MBNL1: variants seen among roughly 807,000 people sequenced by gnomAD.
MBNL1 encodes muscleblind-like protein 1.
A neutral mutation model predicts 42.2 loss-of-function variants in MBNL1; 8 were observed. The observed-to-expected ratio is 0.19, with a 90% confidence interval of 0.11 to 0.34. The LOEUF is 0.34. MBNL1 is among the 10% of genes least tolerant of loss of function. MBNL1 has a pLI of 1.00. For missense variants in MBNL1, 309 were observed against 495.3 expected, an observed-to-expected ratio of 0.62 and a Z score of 3.57; for synonymous variants, 169 against 173.9, an observed-to-expected ratio of 0.97 and a Z score of 0.22.
intron 2 of MBNL1, among the ~76,000 whole-genome samples, chr3:152,405,070 T>C (rs908006146): frequency 6.6e-6 from 1 of 152,144 alleles, no homozygotes. Context: ...GGATTAGTCT[T>C]CTCCAAATTC....
At chr3:152,434,907 C>T (rs183590696) in intron 4 of MBNL1, among the ~76,000 whole-genome samples, 5 of 151,922 alleles carry the variant, frequency 3.3e-5, no homozygotes, top group African/African-American at 7.2e-5. Context: ...GTTTTTTGCT[C>T]GTAAATTTAA....
At chr3:152,293,447 C>A (rs1169117694) in intron 1 of MBNL1, among the ~76,000 whole-genome samples, 2 of 152,090 alleles carry the variant, frequency 1.3e-5, no homozygotes, top group Non-Finnish European at 2.9e-5. Context: ...TGGGACAAAC[C>A]CTGGGAATAA....
chr3:152,451,799 G>C (rs1052375368), intron 6 of MBNL1, among the ~76,000 whole-genome samples: 11 of 152,180 alleles, frequency 7.2e-5, no homozygotes, highest in Admixed American at 2.6e-4. Flanking sequence ...GCTGCACTGA[G>C]TGCTTTGCCT....
intron 2 of MBNL1, among the ~76,000 whole-genome samples, chr3:152,352,261 A>C (rs2095088680): frequency 1.3e-5 from 2 of 152,154 alleles, no homozygotes; most frequent in South Asian, 2.1e-4. Context: ...TCATGTATTC[A>C]TTTTTTCATG....
intron 2 of MBNL1, among the ~76,000 whole-genome samples, chr3:152,366,940 T>C (rs1399746768): frequency 2.0e-5 from 3 of 152,154 alleles, no homozygotes; most frequent in African/African-American, 7.2e-5. Flanking sequence ...GAGAAAATAA[T>C]ACAGTGTTCA....
intron 2 of MBNL1, among the ~76,000 whole-genome samples, chr3:152,374,993 T>G (rs2096835966): frequency 6.6e-6 from 1 of 152,236 alleles, no homozygotes; most frequent in Admixed American, 6.5e-5. Context: ...AAGTTGAGGT[T>G]ATTTTTTGTT....
intron 2 of MBNL1, among the ~76,000 whole-genome samples, chr3:152,321,510 A>T (rs1481728069): frequency 6.6e-6 from 1 of 152,062 alleles, no homozygotes; most frequent in Admixed American, 6.6e-5. Context: ...AACTTTACAG[A>T]ATATCTCCCC....
chr3:152,272,113 A>G (rs2042295332), intron 1 of MBNL1, among the ~76,000 whole-genome samples: 1 of 151,004 alleles, frequency 6.6e-6, no homozygotes, highest in South Asian at 2.1e-4. Flanking sequence ...CTAACATCGT[A>G]TTTATTTTGG....
rs1485790844 is a variant in MBNL1, at chr3:152,465,330, T to TAAA, written c.*2965_*2967dup. 1 of 152,418 alleles carries TAAA rather than the reference T, an allele frequency of 6.6e-6. No homozygotes were observed. The highest frequency in any genetic ancestry group is 1.5e-5 in the Non-Finnish European group (1 of 68,032). The allele number at this position is 152,418 out of a possible 1,614,324, so 9.4% of individuals were successfully genotyped here. ...ATTGACTTTCACAAAATTTAAATCA[T>TAAA]AAACAGGCAAACCAAACAGCACACT... is the stretch of plus-strand genomic sequence containing the variant. On this transcript the variant is annotated 3_prime_UTR_variant, in exon 10 of 10. Coordinates refer to ENST00000324210, the MANE Select transcript of MBNL1 (RefSeq NM_021038.5).
At chr3:152,419,473 G>GT (rs760919723) in intron 3 of MBNL1, among the ~76,000 whole-genome samples, 24 of 152,074 alleles carry the variant, frequency 1.6e-4, no homozygotes, top group Non-Finnish European at 2.8e-4. Flanking sequence ...AGTGCAAGGG[G>GT]TCAGGGAACT....
intron 6 of MBNL1, among the ~76,000 whole-genome samples, chr3:152,451,670 G>A (rs541623446): frequency 8.5e-5 from 13 of 152,220 alleles, no homozygotes; most frequent in African/African-American, 2.9e-4. Flanking sequence ...CCTTTAGATA[G>A]GACACATACT....
At chr3:152,334,030 T>C (rs2087398732) in intron 2 of MBNL1, among the ~76,000 whole-genome samples, 1 of 152,224 alleles carries the variant, frequency 6.6e-6, no homozygotes, top group Admixed American at 6.5e-5. Flanking sequence ...TTAAATGGGA[T>C]AACACGTATA....
intron 2 of MBNL1, among the ~76,000 whole-genome samples, chr3:152,325,825 T>TTAAAC (rs2079567492): frequency 1.3e-5 from 2 of 152,062 alleles, no homozygotes; most frequent in African/African-American, 2.4e-5. Flanking sequence ...TTCTGTCTTT[T>TTAAAC]TTGTTTGTTA....
At chr3:152,341,504 G>A (rs1046276616) in intron 2 of MBNL1, among the ~76,000 whole-genome samples, 3 of 152,108 alleles carry the variant, frequency 2.0e-5, no homozygotes, top group Non-Finnish European at 4.4e-5. Context: ...GGTCTCAATC[G>A]CAGTCATAAT....
At chr3:152,396,480 C>T (rs2097943258) in intron 2 of MBNL1, among the ~76,000 whole-genome samples, 1 of 152,062 alleles carries the variant, frequency 6.6e-6, no homozygotes, top group Non-Finnish European at 1.5e-5. Flanking sequence ...ATCCTTTCAC[C>T]TCTCTGAGCT....
chr3:152,428,737 C>T (rs528626796), intron 3 of MBNL1, among the ~76,000 whole-genome samples: 2 of 152,198 alleles, frequency 1.3e-5, no homozygotes, highest in East Asian at 1.9e-4. Flanking sequence ...GAGGAGTGGC[C>T]AGGGCATTCA....
intron 2 of MBNL1, among the ~76,000 whole-genome samples, chr3:152,386,252 G>GA (rs1306382717): frequency 2.0e-5 from 3 of 151,358 alleles, no homozygotes; most frequent in Admixed American, 6.6e-5. Context: ...ATTTTTGGTT[G>GA]AAAAAAAGGA....
rs193203486 is a variant in MBNL1, at chr3:152,308,824, T to G, written c.174+8457T>G. On this transcript the variant is annotated intron_variant, in intron 2 of 9. Transcript: ENST00000324210. ...CTCAATTTTTGTTTTGTTTTGTTTT[T>G]TTTTTTGGCATTTTATCATAGGATA... Among the ~76,000 whole-genome samples the G allele has an allele frequency of 1.1e-3, 163 of 152,228 alleles. 1 individual carries two copies. The highest frequency in any genetic ancestry group is 2.8e-3 in the African/African-American group (116 of 41,542).
intron 2 of MBNL1, among the ~76,000 whole-genome samples, chr3:152,370,690 G>T (rs918438588): frequency 5.3e-5 from 8 of 152,140 alleles, no homozygotes; most frequent in Non-Finnish European, 8.8e-5. Flanking sequence ...TCTGTATAGG[G>T]TGCCTATATA....
Sources: gnomAD v4.1 joint callset for allele counts (sites outside exome capture counted in the v4.1 genomes callset) on GRCh38, gnomAD v4.1.1 for gene constraint, MANE v1.5 for transcripts, NCBI Gene and HGNC (gene_info 2026-07-23, HGNC 2026-07-21) for gene names.